CPSF7: variants seen among roughly 807,000 people sequenced by gnomAD.
CPSF7 encodes cleavage and polyadenylation specific factor 7.
In CPSF7, 1 loss-of-function variant was observed where a neutral mutation model predicts 44.3. That is an observed-to-expected ratio of 0.02 (90% confidence interval 0.01 to 0.11). The LOEUF (loss-of-function observed/expected upper bound fraction) is 0.11. Among genes scored for constraint, CPSF7 ranks in the 10% least tolerant of loss-of-function variants. The pLI is 1.00. For synonymous variants in CPSF7, 202 were observed against 222.0 expected (o/e 0.91, Z 0.80); for missense variants, 443 against 607.2 (o/e 0.73, Z 2.84).
chr11:61,415,547 C>T (rs1164849645), intron 7 of CPSF7, 119 bp downstream of exon 7: 3 of 686,230 alleles, frequency 4.4e-6, no homozygotes, highest in African/African-American at 3.6e-5. Context: ...AAGTATGCCG[C>T]TCTTGATATC....
chr11:61,408,771 A>C (rs984837342), intron 9 of CPSF7, among the ~76,000 whole-genome samples: 4 of 152,240 alleles, frequency 2.6e-5, no homozygotes, highest in African/African-American at 9.6e-5. Flanking sequence ...TGAGAGATGC[A>C]GATAAAGTCT....
chr11:61,427,172 G>C (rs1478032367), intron 2 of CPSF7: 1 of 151,506 alleles, frequency 6.6e-6, no homozygotes, highest in Non-Finnish European at 1.5e-5. Flanking sequence ...GCTGAAGTGG[G>C]AGAATCGCTT....
intron 2 of CPSF7, among the ~76,000 whole-genome samples, chr11:61,425,447 A>G (rs1861260981): frequency 1.3e-5 from 2 of 152,256 alleles, no homozygotes; most frequent in African/African-American, 2.4e-5. Flanking sequence ...TTAATACTGA[A>G]TAACTATCTC....
At position 61,411,718 on chromosome 11, in the gene CPSF7, TG is replaced by T. The variant is rs771316161; in HGVS notation, c.1226+50del. The T allele has an allele frequency of 6.5e-6, 10 of 1,549,042 alleles. No homozygotes were observed. The African/African-American group carries it at 9.5e-5, about 15-fold the overall frequency. ...TCCATTTGTCCCCACTCCCTATCCC[TG>T]GAAGAGTGCTGCTTGGGGCTGGTAG... On this transcript the variant is annotated intron_variant, in intron 8 of 9. Transcript: ENST00000439958.
intron 2 of CPSF7, among the ~76,000 whole-genome samples, chr11:61,422,586 G>C (rs1860982550): frequency 6.6e-6 from 1 of 151,962 alleles, no homozygotes; most frequent in South Asian, 2.1e-4. Flanking sequence ...CAAAGTGCCG[G>C]GATTACAGGG....
At position 61,416,130 on chromosome 11, in the gene CPSF7, A is replaced by T; in HGVS notation, c.913T>A (p.Ser305Thr). 1.3e-6 allele frequency: 2 copies of T among 1,509,428 alleles called. No homozygotes were observed. Among genetic ancestry groups the T allele is most frequent in the Non-Finnish European group, 1.8e-6 (2 of 1,130,944 alleles). The allele number at this position is 1,509,428 out of a possible 1,614,324, so 93.5% of individuals were successfully genotyped here. A position where few individuals can be genotyped will look rare whatever the true frequency, so the allele number is the denominator to read the frequency against. Reference sequence around the variant, plus strand: ...CTGCCATGGTGGTTATAGGGGGCAGAGGCCTTCATGTAAGTATCTGGTGGA... The same window carrying T: ...CTGCCATGGTGGTTATAGGGGGCAGTGGCCTTCATGTAAGTATCTGGTGGA... ...GPPPDTYMKA[S>T]APYNHHGSRD... Residue 305 changes from serine (S) to threonine (T), a missense_variant, in exon 6 of 10, where the codon TCT (serine) becomes ACT (threonine). Coordinates refer to ENST00000439958, the MANE Select transcript of CPSF7 (RefSeq NM_001142565.3).
At chr11:61,408,286 C>T (rs995452285) in intron 9 of CPSF7, among the ~76,000 whole-genome samples, 4 of 151,842 alleles carry the variant, frequency 2.6e-5, no homozygotes, top group Non-Finnish European at 4.4e-5. Flanking sequence ...TGGTCTCGGT[C>T]GGGATAGAGA....
chr11:61,428,723 G>A (rs1001200730), intron 2 of CPSF7, among the ~76,000 whole-genome samples: 14 of 152,206 alleles, frequency 9.2e-5, no homozygotes, highest in African/African-American at 3.1e-4. Context: ...GAATGGAGTT[G>A]AAACTAAATG....
At position 61,419,937 on chromosome 11, in the gene CPSF7, G is replaced by A. The variant is rs768549870; in HGVS notation, c.523+12C>T. ...CTCCACGTACCCCCTCTTGGGACTC[G>A]GACACACTCACGTTTCCGAGCCTGT... On this transcript the variant is annotated intron_variant, in intron 5 of 9. Coordinates refer to ENST00000439958, the MANE Select transcript of CPSF7 (RefSeq NM_001142565.3). 5 of 1,611,906 alleles carry A rather than the reference G, an allele frequency of 3.1e-6. No homozygotes were observed. The highest frequency in any genetic ancestry group is 4.2e-6 in the Non-Finnish European group (5 of 1,179,360).
Position 61,429,895 on chromosome 11 carries a change from G to C in CPSF7, c.-56+19C>G. On this transcript the variant is annotated intron_variant, in intron 1 of 9. Transcript: ENST00000439958. Reference sequence around the variant, plus strand: ...CCCTCTTCCGGCCCAACCTGCCCCCGACCGCGCGCCCCCGTTACCGGGAAT... The same window carrying C: ...CCCTCTTCCGGCCCAACCTGCCCCCCACCGCGCGCCCCCGTTACCGGGAAT... The C allele has an allele frequency of 6.6e-7, 1 of 1,512,980 alleles. No individual in the cohort carries two copies. The highest frequency in any genetic ancestry group is 8.9e-7 in the Non-Finnish European group (1 of 1,128,188). 93.7% of individuals were successfully genotyped at this position (1,512,980 alleles called of 1,614,324 possible).
At position 61,403,601 on chromosome 11, in the gene CPSF7, C is replaced by T. The variant is rs1859063847; in HGVS notation, c.*1109G>A. 6.6e-6 allele frequency: 1 copy of T among 152,098 alleles called. No individual in the cohort carries two copies. Among genetic ancestry groups the T allele is most frequent in the Admixed American group, 6.5e-5 (1 of 15,270 alleles). 9.4% of individuals were successfully genotyped at this position (152,098 alleles called of 1,614,324 possible). On this transcript the variant is annotated 3_prime_UTR_variant, in exon 10 of 10. Transcript: ENST00000439958. ...TCAACAGTCAAAAGGTGAAAAGACA[C>T]CAAATTTGTGACTTTACCTGCCTAC...
chr11:61,427,886 T>C (rs1308462572), intron 2 of CPSF7, among the ~76,000 whole-genome samples: 3 of 152,204 alleles, frequency 2.0e-5, no homozygotes, highest in Non-Finnish European at 4.4e-5. Context: ...TGTAAACTTA[T>C]GCCAAGTGAA....
At chr11:61,429,694 T>G (rs1861768956) in intron 1 of CPSF7, 12 of 1,511,686 alleles carry the variant, frequency 7.9e-6, no homozygotes, top group Non-Finnish European at 1.1e-5. Context: ...CAGCCGCCTC[T>G]GCCCCCAACC....
At chr11:61,419,808 C>G (rs1860696533) in intron 5 of CPSF7, 141 bp downstream of exon 5, 1 of 979,094 alleles carries the variant, frequency 1.0e-6, no homozygotes, top group African/African-American at 1.6e-5. Context: ...GACCATGACA[C>G]CACTCACAAC....
At chr11:61,413,078 C>T (rs954616588) in intron 7 of CPSF7, among the ~76,000 whole-genome samples, 7 of 152,082 alleles carry the variant, frequency 4.6e-5, no homozygotes, top group African/African-American at 1.4e-4. Context: ...CATGCCACTT[C>T]ACCTGGCTTA....
chr11:61,415,768 G>A lies in CPSF7; in HGVS notation c.955C>T (p.Pro319Ser), dbSNP rs1860268615. The stretch of plus-strand genomic sequence containing the variant: ...TCGGCTTCACTCACTGTAGAGGGTG[G>A]AGGGCCCGAATCTCGGCTGTACAGA... Reference protein sequence around the residue: ...NHHGSRDSGPPPSTVSEAEFE... With the variant: ...NHHGSRDSGPSPSTVSEAEFE... Residue 319 changes from proline (P) to serine (S), a missense_variant, in exon 7 of 10, where the codon CCA (proline) becomes TCA (serine). Physicochemically the swap from Pro to Ser is moderately conservative, Grantham distance 74 (BLOSUM62 -1). Coordinates refer to ENST00000439958, the MANE Select transcript of CPSF7 (RefSeq NM_001142565.3). 1.2e-6 allele frequency: 2 copies of A among 1,612,488 alleles called. No homozygotes were observed. Among genetic ancestry groups the A allele is most frequent in the African/African-American group, 2.7e-5 (2 of 74,872 alleles).
intron 5 of CPSF7, 91 bp from the exon 6 acceptor site, chr11:61,416,610 C>T: frequency 1.5e-6 from 2 of 1,353,788 alleles, no homozygotes; most frequent in Non-Finnish European, 2.1e-6. Flanking sequence ...AGACACCCTA[C>T]AAAGGAAGGT....
At chr11:61,421,691 T>G (rs1002770492) in intron 2 of CPSF7, 83 bp from the exon 3 acceptor site, 3 of 984,702 alleles carry the variant, frequency 3.0e-6, no homozygotes, top group Non-Finnish European at 4.7e-6. Context: ...TAGAATCCAG[T>G]TAAATACTTG....
intron 7 of CPSF7, 132 bp downstream of exon 7, chr11:61,415,534 T>G: frequency 1.5e-6 from 1 of 654,442 alleles, no homozygotes; most frequent in South Asian, 1.9e-5. Flanking sequence ...ATATTGCTCT[T>G]CAAAGTATGC....
Sources: gnomAD v4.1 joint callset for allele counts (sites outside exome capture counted in the v4.1 genomes callset) on GRCh38, gnomAD v4.1.1 for gene constraint, MANE v1.5 for transcripts, NCBI Gene and HGNC (gene_info 2026-07-23, HGNC 2026-07-21) for gene names.